METTL15: variants seen among roughly 807,000 people sequenced by gnomAD.
The protein encoded by METTL15 is methyltransferase 15, mitochondrial 12S rRNA N4-cytidine, also known as 12S rRNA N(4)-cytidine methyltransferase METTL15.
A neutral mutation model predicts 38.3 loss-of-function variants in METTL15; 34 were observed. That is an observed-to-expected ratio of 0.89 (90% CI 0.68 to 1.18). METTL15 has a LOEUF of 1.18. METTL15 is among the 50% of genes most tolerant of loss of function. The pLI is 0.00. For synonymous variants in METTL15, 162 were observed against 170.9 expected (o/e 0.95, Z 0.41); for missense variants, 438 against 498.4 (o/e 0.88, Z 1.15).
At chr11:28,277,468 C>T (rs4923525) in intron 4 of METTL15, among the ~76,000 whole-genome samples, 70,021 of 151,962 alleles carry the variant, frequency 0.46, 17,782 homozygotes, top group Admixed American at 0.56. Context: ...GAGGCCGAAG[C>T]GGGCAGATTA....
chr11:28,421,429 T>A (rs1850819435), intron 5 of METTL15, among the ~76,000 whole-genome samples: 1 of 151,980 alleles, frequency 6.6e-6, no homozygotes, highest in African/African-American at 2.4e-5. Context: ...TAGTTCAATA[T>A]CTCTGATGCA....
chr11:28,280,606 T>C (rs1261166260), intron 4 of METTL15, among the ~76,000 whole-genome samples: 1 of 151,864 alleles, frequency 6.6e-6, no homozygotes, highest in East Asian at 1.9e-4. Flanking sequence ...CCATTCTTTC[T>C]TTCCTCTTTT....
intron 6 of METTL15, among the ~76,000 whole-genome samples, chr11:28,465,248 G>A (rs1851247395): frequency 6.6e-6 from 1 of 152,058 alleles, no homozygotes; most frequent in South Asian, 2.1e-4. Context: ...ACACTCTCTT[G>A]AGTTTTCTTC....
chr11:28,512,867 C>T (rs112558983), intron 6 of METTL15, among the ~76,000 whole-genome samples: 63 of 152,320 alleles, frequency 4.1e-4, no homozygotes, highest in Non-Finnish European at 8.2e-4. Flanking sequence ...GCAAGGGCTG[C>T]GAGGGCTGCC....
At chr11:28,328,969 C>T (rs1849728212) in intron 6 of METTL15, among the ~76,000 whole-genome samples, 1 of 151,948 alleles carries the variant, frequency 6.6e-6, no homozygotes. Flanking sequence ...TTGATGAAGT[C>T]CAGTTTATCT....
intron 4 of METTL15, among the ~76,000 whole-genome samples, chr11:28,283,365 A>T (rs1856127425): frequency 6.6e-6 from 1 of 152,168 alleles, no homozygotes; most frequent in African/African-American, 2.4e-5. Flanking sequence ...GGAATTTTAG[A>T]TTTCTGTAGC....
At chr11:28,356,101 C>T (rs1850087756) in intron 4 of METTL15, among the ~76,000 whole-genome samples, 1 of 152,170 alleles carries the variant, frequency 6.6e-6, no homozygotes, top group African/African-American at 2.4e-5. Flanking sequence ...TCCCTCTTGT[C>T]TCTCAGTTCA....
intron 4 of METTL15, among the ~76,000 whole-genome samples, chr11:28,260,151 G>T (rs1334386553): frequency 1.3e-5 from 2 of 152,144 alleles, no homozygotes; most frequent in African/African-American, 2.4e-5. Flanking sequence ...TGTTCACAGT[G>T]TTCCAAACAT....
rs182356728 is a variant in METTL15 at position 28,304,519 on chromosome 11, T to C, written c.778+7588T>C. Among the ~76,000 whole-genome samples the C allele has an allele frequency of 2.6e-5, 4 of 152,106 alleles. No homozygotes were observed. The East Asian group carries it at 7.8e-4, about 30-fold the overall frequency. On this transcript the variant is annotated intron_variant, in intron 6 of 6. Transcript: ENST00000407364. ...GATCTTGAGTCCAGGAGTTCGAAACTGGCCTGTTCAACATGGTGAAACCCT... is the reference window on the plus strand; with the variant it reads ...GATCTTGAGTCCAGGAGTTCGAAACCGGCCTGTTCAACATGGTGAAACCCT...
intron 6 of METTL15, among the ~76,000 whole-genome samples, chr11:28,459,928 T>A (rs1406674799): frequency 6.6e-6 from 1 of 152,098 alleles, no homozygotes. Context: ...CTGGATACCA[T>A]GATTGCTTAC....
intron 3 of METTL15, among the ~76,000 whole-genome samples, chr11:28,192,784 G>A (rs1256324176): frequency 6.6e-6 from 1 of 152,006 alleles, no homozygotes; most frequent in Non-Finnish European, 1.5e-5. Flanking sequence ...CCACAGGACA[G>A]CCTTTGATAA....
At chr11:28,211,325 TTCCCC>T in intron 4 of METTL15, 127 bp downstream of exon 4, 3 of 781,916 alleles carry the variant, frequency 3.8e-6, no homozygotes, top group Non-Finnish European at 5.6e-6. Flanking sequence ...TTCTTCTTTT[TTCCCC>T]AAAAAGAATT....
intron 4 of METTL15, among the ~76,000 whole-genome samples, chr11:28,289,580 G>A (rs373031166): frequency 1.3e-5 from 2 of 152,128 alleles, no homozygotes. Flanking sequence ...ATAGCTGCAA[G>A]GTGATCCCAA....
intron 6 of METTL15, among the ~76,000 whole-genome samples, chr11:28,432,816 G>A (rs1370416024): frequency 6.6e-6 from 1 of 152,068 alleles, no homozygotes; most frequent in Non-Finnish European, 1.5e-5. Context: ...ATTGTGCCCT[G>A]GGAAGAATGT....
At chr11:28,488,879 C>G (rs989015526) in intron 6 of METTL15, among the ~76,000 whole-genome samples, 1 of 152,012 alleles carries the variant, frequency 6.6e-6, no homozygotes, top group Non-Finnish European at 1.5e-5. Flanking sequence ...GATCTTAGGT[C>G]TTAGCATTTA....
At chr11:28,382,478 G>A (rs1401643499) in intron 5 of METTL15, among the ~76,000 whole-genome samples, 1 of 152,154 alleles carries the variant, frequency 6.6e-6, no homozygotes, top group African/African-American at 2.4e-5. Flanking sequence ...GAAACTGTGA[G>A]TCAGGGGGAA....
At chr11:28,114,747 G>A (rs1213422527) in intron 3 of METTL15, among the ~76,000 whole-genome samples, 1 of 152,080 alleles carries the variant, frequency 6.6e-6, no homozygotes, top group African/African-American at 2.4e-5. Flanking sequence ...CACCATGCCC[G>A]GCCTTGTACA....
chr11:28,164,932 A>G (rs1268201016), intron 3 of METTL15, among the ~76,000 whole-genome samples: 5 of 152,096 alleles, frequency 3.3e-5, no homozygotes, highest in Admixed American at 6.6e-5. Flanking sequence ...GATTCTACAT[A>G]TAAGTGGAAT....
chr11:28,265,868 T>A (rs1035072573), intron 4 of METTL15, among the ~76,000 whole-genome samples: 3 of 152,220 alleles, frequency 2.0e-5, no homozygotes, highest in Admixed American at 1.3e-4. Context: ...ACGTGCAGGT[T>A]AGTTACATAT....
Sources: gnomAD v4.1 joint callset for allele counts (sites outside exome capture counted in the v4.1 genomes callset) on GRCh38, gnomAD v4.1.1 for gene constraint, MANE v1.5 for transcripts, NCBI Gene and HGNC (gene_info 2026-07-23, HGNC 2026-07-21) for gene names.